Variants in ERC1 observed in about 807,000 individuals in gnomAD.
The protein encoded by ERC1 is ELKS/RAB6-interacting/CAST family member 1.
ERC1 carries 56 observed loss-of-function variants against 132.0 expected under a neutral mutation model. That is an observed-to-expected ratio of 0.42 (90% CI 0.34 to 0.53). The LOEUF (loss-of-function observed/expected upper bound fraction) is 0.53. ERC1 is among the 20% of genes least tolerant of loss of function. The probability of loss-of-function intolerance (pLI) is 0.03; values close to 1 mark genes in which losing one functional copy is unlikely to be tolerated. For synonymous variants in ERC1, 478 were observed against 476.1 expected (o/e 1.00, Z -0.05); for missense variants, 1,202 against 1,349.9 (o/e 0.89, Z 1.72).
rs1263813440 is a variant in ERC1 at position 991,242 on chromosome 12, TGTGGCGGCGGCGGCGGCGGTA to T, written c.-220_-200del. 26 of 78,120 alleles carry T rather than the reference TGTGGCGGCGGCGGCGGCGGTA, an allele frequency of 3.3e-4. 1 individual carries two copies. The highest frequency in any genetic ancestry group is 6.1e-4 in the African/African-American group (7 of 11,432). The allele number at this position is 78,120 out of a possible 1,614,324, so 4.8% of individuals were successfully genotyped here. The stretch of plus-strand genomic sequence containing the variant: ...GACGTCGCGGGCGCCTGGGCCGTGC[TGTGGCGGCGGCGGCGGCGGTA>T]GTGGCGGCGGCGGCGGTGCCTGGGC... On this transcript the variant is annotated 5_prime_UTR_variant, in exon 1 of 19. Transcript: ENST00000360905.
At chr12:1,435,019 G>A (rs537546766) in intron 17 of ERC1, among the ~76,000 whole-genome samples, 7 of 152,272 alleles carry the variant, frequency 4.6e-5, no homozygotes, top group Admixed American at 6.5e-5. Context: ...AGAGAAAGCC[G>A]TCTTCCTCAT....
At chr12:1,201,335 T>G (rs1956897525) in intron 12 of ERC1, among the ~76,000 whole-genome samples, 1 of 152,192 alleles carries the variant, frequency 6.6e-6, no homozygotes, top group African/African-American at 2.4e-5. Context: ...CCTTGGTGAA[T>G]TGATGTTAAG....
At chr12:1,022,569 C>A (rs1247495027) in intron 1 of ERC1, among the ~76,000 whole-genome samples, 2 of 152,096 alleles carry the variant, frequency 1.3e-5, no homozygotes, top group Non-Finnish European at 2.9e-5. Flanking sequence ...AATTGTAGTT[C>A]CCATAATCCC....
chr12:1,115,312 C>T (rs1193239427), intron 6 of ERC1, among the ~76,000 whole-genome samples: 2 of 152,140 alleles, frequency 1.3e-5, no homozygotes, highest in Non-Finnish European at 2.9e-5. Context: ...TTATGTATAA[C>T]ATTAAAAGTG....
chr12:1,174,979 G>A (rs569698945), intron 8 of ERC1, among the ~76,000 whole-genome samples: 1 of 152,214 alleles, frequency 6.6e-6, no homozygotes, highest in South Asian at 2.1e-4. Context: ...AAATTTTTTG[G>A]CTTCCCAGAG....
At chr12:1,448,475 A>G (rs929645246) in intron 18 of ERC1, among the ~76,000 whole-genome samples, 2 of 152,238 alleles carry the variant, frequency 1.3e-5, no homozygotes, top group South Asian at 2.1e-4. Context: ...TGACTTGCCT[A>G]TGAAAGTATT....
chr12:1,121,770 T>C (rs1359315383), intron 7 of ERC1, among the ~76,000 whole-genome samples: 12 of 7,988 alleles, frequency 1.5e-3, no homozygotes, highest in Non-Finnish European at 4.1e-3. Context: ...TCTATCTATC[T>C]CTATCTCTAT....
At chr12:996,635 C>T (rs1960975521) in intron 1 of ERC1, among the ~76,000 whole-genome samples, 1 of 152,042 alleles carries the variant, frequency 6.6e-6, no homozygotes, top group African/African-American at 2.4e-5. Context: ...AATAGGCAAC[C>T]TGGGAGTGCT....
At chr12:1,387,760 C>G (rs1436542306) in intron 16 of ERC1, among the ~76,000 whole-genome samples, 1 of 152,174 alleles carries the variant, frequency 6.6e-6, no homozygotes. Context: ...GGACTTGGGG[C>G]CGCTAGAACT....
intron 17 of ERC1, among the ~76,000 whole-genome samples, chr12:1,443,053 A>G (rs1043939389): frequency 4.6e-5 from 7 of 151,328 alleles, no homozygotes; most frequent in Non-Finnish European, 5.9e-5. Flanking sequence ...GACTACAGGC[A>G]CCCGCCCAGT....
chr12:1,176,731 C>T (rs1241206283), intron 8 of ERC1, among the ~76,000 whole-genome samples: 1 of 152,100 alleles, frequency 6.6e-6, no homozygotes, highest in Non-Finnish European at 1.5e-5. Flanking sequence ...CAGGCATGGA[C>T]CACCACACCT....
intron 14 of ERC1, among the ~76,000 whole-genome samples, chr12:1,270,169 A>G (rs1431115981): frequency 1.3e-5 from 2 of 152,218 alleles, no homozygotes; most frequent in African/African-American, 4.8e-5. Flanking sequence ...GCTTACATCT[A>G]TAGAAGTGAA....
chr12:1,159,299 G>A (rs1169093329), intron 8 of ERC1, among the ~76,000 whole-genome samples: 1 of 152,084 alleles, frequency 6.6e-6, no homozygotes, highest in Non-Finnish European at 1.5e-5. Context: ...AGATCATCAG[G>A]CATTAGGATC....
At chr12:1,430,580 A>C (rs556760480) in intron 17 of ERC1, 2 of 152,260 alleles carry the variant, frequency 1.3e-5, no homozygotes, top group African/African-American at 4.8e-5. Flanking sequence ...GGGTTTCACC[A>C]TGTTGGCCAG....
intron 2 of ERC1, among the ~76,000 whole-genome samples, chr12:1,054,428 A>T (rs758817829): frequency 6.6e-6 from 1 of 152,056 alleles, no homozygotes; most frequent in East Asian, 1.9e-4. Flanking sequence ...ATTCTTCCCT[A>T]CCGCACCCCC....
At position 1,491,540 on chromosome 12, in the gene ERC1, T is replaced by C; in HGVS notation, c.*1310T>C. ...AGCAGTAAATAGCATGTCCTTCCCC[T>C]CCCCGATCTTAAGGTGTGTTTTCTA... On this transcript the variant is annotated 3_prime_UTR_variant, in exon 19 of 19. Coordinates refer to ENST00000360905, the MANE Select transcript of ERC1 (RefSeq NM_178040.4). 4.3e-6 allele frequency: 1 copy of C among 230,060 alleles called. No homozygotes were observed. The highest frequency in any genetic ancestry group is 2.2e-5 in the African/African-American group (1 of 45,252). The allele number at this position is 230,060 out of a possible 1,614,324, so 14.3% of individuals were successfully genotyped here.
At chr12:1,386,827 C>A (rs2089433924) in intron 16 of ERC1, 1 of 152,134 alleles carries the variant, frequency 6.6e-6, no homozygotes, top group Non-Finnish European at 1.5e-5. Flanking sequence ...GCAGGAGTAA[C>A]TGCTCTACTG....
intron 14 of ERC1, among the ~76,000 whole-genome samples, chr12:1,277,435 A>C (rs1475461971): frequency 1.3e-5 from 2 of 152,188 alleles, no homozygotes; most frequent in Non-Finnish European, 2.9e-5. Context: ...CCGGACTTGG[A>C]AATAGGTTCA....
At chr12:1,001,853 CTTT>C (rs869097939) in intron 1 of ERC1, among the ~76,000 whole-genome samples, 3 of 109,156 alleles carry the variant, frequency 2.7e-5, no homozygotes, top group African/African-American at 7.7e-5. Context: ...CTTGTAAAGT[CTTT>C]TTTTTTTTTT....
Sources: allele counts gnomAD v4.1 joint callset (sites outside exome capture counted in the v4.1 genomes callset), GRCh38; gene constraint gnomAD v4.1.1; transcripts MANE v1.5; gene names NCBI Gene and HGNC (gene_info 2026-07-23, HGNC 2026-07-21).